The following DDAH1 variants were observed in gnomAD, a reference collection of about 807,000 sequenced individuals.
The protein encoded by DDAH1 is N(G),N(G)-dimethylarginine dimethylaminohydrolase 1.
DDAH1 carries 19 observed loss-of-function variants against 28.8 expected under a neutral mutation model. The ratio of observed to expected loss-of-function variants is 0.66; its 90% CI spans 0.46 to 0.97. The LOEUF (loss-of-function observed/expected upper bound fraction) is 0.97, where lower values mean the gene tolerates loss of function less well. Ranked by LOEUF, DDAH1 falls within the 50% of genes least tolerant of loss-of-function variation. The probability of loss-of-function intolerance (pLI) is 0.00; values close to 1 mark genes in which losing one functional copy is unlikely to be tolerated. For missense variants in DDAH1, 326 were observed against 375.9 expected, an observed-to-expected ratio of 0.87 and a Z score of 1.10; for synonymous variants, 153 against 154.4, an observed-to-expected ratio of 0.99 and a Z score of 0.07.
At chr1:85,370,879 T>A (rs760667905) in intron 1 of DDAH1, among the ~76,000 whole-genome samples, 1 of 152,182 alleles carries the variant, frequency 6.6e-6, no homozygotes, top group South Asian at 2.1e-4. Context: ...GACTTCTAGA[T>A]ATTCAGATGG....
chr1:85,434,654 A>G (rs1281643504), intron 1 of DDAH1, among the ~76,000 whole-genome samples: 2 of 152,072 alleles, frequency 1.3e-5, no homozygotes, highest in African/African-American at 4.8e-5. Flanking sequence ...AGCCTCCCAA[A>G]GTGGTGGGAT....
chr1:85,544,594 C>A (rs536208717), intron 1 of DDAH1, among the ~76,000 whole-genome samples: 2 of 152,086 alleles, frequency 1.3e-5, no homozygotes, highest in Non-Finnish European at 2.9e-5. Flanking sequence ...TGGTTTCATC[C>A]AGCCAGCCCT....
At chr1:85,398,257 G>C (rs1342264609) in intron 1 of DDAH1, among the ~76,000 whole-genome samples, 2 of 152,170 alleles carry the variant, frequency 1.3e-5, no homozygotes, top group African/African-American at 4.8e-5. Flanking sequence ...AAAAAGAACT[G>C]TGTGGTTATT....
intron 1 of DDAH1, among the ~76,000 whole-genome samples, chr1:85,550,748 A>AACACAC (rs138890092): frequency 6.6e-6 from 1 of 150,590 alleles, no homozygotes; most frequent in Non-Finnish European, 1.5e-5. Flanking sequence ...AATAATAAAA[A>AACACAC]ACACACACAC....
chr1:85,376,878 T>C (rs1650703093), intron 1 of DDAH1: 1 of 150,938 alleles, frequency 6.6e-6, no homozygotes, highest in South Asian at 2.1e-4. Flanking sequence ...CACAAATAAG[T>C]AATAGCCCCA....
At chr1:85,543,559 G>GTTAAAGAAAGGAGAACAC (rs1181817572) in intron 1 of DDAH1, among the ~76,000 whole-genome samples, 1 of 152,176 alleles carries the variant, frequency 6.6e-6, no homozygotes, top group Non-Finnish European at 1.5e-5. Context: ...GTTTAGACAG[G>GTTAAAGAAAGGAGAACAC]TTAAAGAAAG....
intron 5 of DDAH1, among the ~76,000 whole-genome samples, chr1:85,324,443 T>G (rs1647240644): frequency 6.6e-6 from 1 of 152,142 alleles, no homozygotes; most frequent in Non-Finnish European, 1.5e-5. Flanking sequence ...AAAGTACATT[T>G]AATCAGAGCT....
intron 1 of DDAH1, among the ~76,000 whole-genome samples, chr1:85,498,837 G>C (rs540946208): frequency 6.6e-6 from 1 of 152,186 alleles, no homozygotes; most frequent in African/African-American, 2.4e-5. Flanking sequence ...TAGGAGAACC[G>C]CTTGAACCCA....
At chr1:85,397,021 T>C (rs1199226568) in intron 1 of DDAH1, among the ~76,000 whole-genome samples, 1 of 145,120 alleles carries the variant, frequency 6.9e-6, no homozygotes, top group Non-Finnish European at 1.5e-5. Context: ...TGGGTGATAG[T>C]GTGAGACCCT....
At chr1:85,483,985 C>T (rs796138120) in intron 2 of DDAH1, among the ~76,000 whole-genome samples, 1 of 151,972 alleles carries the variant, frequency 6.6e-6, no homozygotes, top group Admixed American at 6.6e-5. Flanking sequence ...TTGTTTTAAC[C>T]CCAGGAGGGA....
chr1:85,501,885 T>C (rs946316796), intron 1 of DDAH1, among the ~76,000 whole-genome samples: 1 of 152,216 alleles, frequency 6.6e-6, no homozygotes, highest in Non-Finnish European at 1.5e-5. Context: ...TCATCTCCTG[T>C]TTGAAATTCT....
chr1:85,402,689 C>T (rs1281570559), intron 1 of DDAH1, among the ~76,000 whole-genome samples: 1 of 152,018 alleles, frequency 6.6e-6, no homozygotes, highest in Non-Finnish European at 1.5e-5. Flanking sequence ...GGCGGTGGAT[C>T]ACGAGGTCAG....
chr1:85,423,935 T>TA (rs111543266), intron 1 of DDAH1, among the ~76,000 whole-genome samples: 15 of 152,282 alleles, frequency 9.9e-5, no homozygotes, highest in African/African-American at 3.6e-4. Flanking sequence ...GAACGGGTGT[T>TA]AGATTCTGTC....
chr1:85,340,644 T>C (rs1164349538), intron 4 of DDAH1, among the ~76,000 whole-genome samples: 1 of 152,222 alleles, frequency 6.6e-6, no homozygotes, highest in Non-Finnish European at 1.5e-5. Flanking sequence ...TAGACTGTGC[T>C]GTGCAATGGC....
intron 1 of DDAH1, among the ~76,000 whole-genome samples, chr1:85,418,915 C>T (rs1344991890): frequency 1.3e-5 from 2 of 152,142 alleles, no homozygotes; most frequent in Non-Finnish European, 2.9e-5. Context: ...AACTTGGCTC[C>T]CTCTATGCCC....
intron 1 of DDAH1, among the ~76,000 whole-genome samples, chr1:85,505,879 C>A (rs372925386): frequency 6.6e-6 from 1 of 152,064 alleles, no homozygotes; most frequent in Non-Finnish European, 1.5e-5. Context: ...TTTTTTAATA[C>A]ATTTTAAACT....
rs150262650 is a variant in DDAH1, at chr1:85,473,713, T to A, written c.-7+22453A>T. On this transcript the variant is annotated intron_variant, in intron 2 of 6. Transcript: ENST00000426972. ...TCAGTGATGCTTCTCTCTCATGACT[T>A]CTTTTCTTCTGCCAGTCTGTCTCTC... 1.8e-4 allele frequency among the ~76,000 whole-genome samples: 28 copies of A among 152,304 alleles called. No homozygotes were observed. In the East Asian group the frequency reaches 5.4e-3, roughly 29 times the overall value.
rs565674120 is a variant in DDAH1 at position 85,577,915 on chromosome 1, C to T, written c.-123+69G>A. 4.8e-5 allele frequency: 46 copies of T among 954,584 alleles called. No homozygotes were observed. The South Asian group carries it at 5.8e-4, about 12-fold the overall frequency. 59.1% of individuals were successfully genotyped at this position (954,584 alleles called of 1,614,324 possible). On this transcript the variant is annotated intron_variant, in intron 1 of 6. Coordinates refer to the DDAH1 transcript ENST00000426972. Reference sequence around the variant, plus strand: ...GTCCGTTATTTCCTCCTGGGGCACCCGTATGGGGAGGGTGAAGGAGAAACT... The same window carrying T: ...GTCCGTTATTTCCTCCTGGGGCACCTGTATGGGGAGGGTGAAGGAGAAACT...
At chr1:85,434,405 T>C (rs1258915473) in intron 1 of DDAH1, among the ~76,000 whole-genome samples, 5 of 150,990 alleles carry the variant, frequency 3.3e-5, no homozygotes, top group African/African-American at 9.7e-5. Flanking sequence ...TAAAGTATCA[T>C]ATTGTATGTG....
Sources: gnomAD v4.1 joint callset for allele counts (sites outside exome capture counted in the v4.1 genomes callset) on GRCh38, gnomAD v4.1.1 for gene constraint, MANE v1.5 for transcripts, NCBI Gene and HGNC (gene_info 2026-07-23, HGNC 2026-07-21) for gene names.